Variants in ZNF669 observed in about 807,000 individuals in gnomAD.
ZNF669 encodes the protein zinc finger protein 669.
Under a neutral mutation model 11.4 loss-of-function variants are expected in ZNF669, and 7 were observed. The observed-to-expected ratio is 0.62, with a 90% CI of 0.35 to 1.16. ZNF669 has a LOEUF of 1.16. Ranked by LOEUF, ZNF669 falls within the 50% of genes most tolerant of loss-of-function variation. ZNF669 has a pLI of 0.02. For missense variants in ZNF669, 492 were observed against 463.6 expected, an observed-to-expected ratio of 1.06 and a Z score of -0.56; for synonymous variants, 153 against 155.8, an observed-to-expected ratio of 0.98 and a Z score of 0.13.
At position 247,100,077 on chromosome 1, in the gene ZNF669, C is replaced by T. The variant is rs1037966104; in HGVS notation, c.*297G>A. 6 of 266,694 alleles carry T rather than the reference C, an allele frequency of 2.2e-5. No homozygotes were observed. Among genetic ancestry groups the T allele is most frequent in the Admixed American group, 1.4e-4 (3 of 20,720 alleles). The allele number at this position is 266,694 out of a possible 1,614,324, so 16.5% of individuals were successfully genotyped here. A position where few individuals can be genotyped will look rare whatever the true frequency, so the allele number is the denominator to read the frequency against. On this transcript the variant is annotated 3_prime_UTR_variant, in exon 4 of 4. Transcript: ENST00000448299. ...TCGGCTCACTGCAAGTTCCGCCTCC[C>T]GGGTTCATGCCATTCTCCTGCCTCA...
Position 247,100,841 on chromosome 1 carries a change from C to T in ZNF669, c.670G>A (p.Glu224Lys). The change falls in exon 4 of 4, where the codon GAA becomes AAA. Residue 224 changes from glutamate (E) to lysine (K), a missense_variant. Physicochemically the swap from Glu to Lys is moderately conservative, Grantham distance 56. Coordinates refer to ENST00000448299, the MANE Select transcript of ZNF669 (RefSeq NM_001142572.2). Reference sequence around the variant, plus strand: ...GAAAATCTGAATGTTTTCCCACATTCCTTACATTCGTAGGGTTTCTCTCCA... The same window carrying T: ...GAAAATCTGAATGTTTTCCCACATTTCTTACATTCGTAGGGTTTCTCTCCA... ...HTGEKPYECK[E>K]CGKTFRFSCS... The T allele has an allele frequency of 1.2e-6, 2 of 1,614,022 alleles. No homozygotes were observed. Among genetic ancestry groups the T allele is most frequent in the Non-Finnish European group, 1.7e-6 (2 of 1,179,996 alleles).
rs372214656 is a variant in ZNF669, at chr1:247,101,064, T to G, written c.447A>C (p.Pro149=). Reference sequence around the variant, plus strand: ...GCATTATCATGTGTCTTCTAACACCTGGAACAGAAACGAAGAATTTCCCAC... The same window carrying G: ...GCATTATCATGTGTCTTCTAACACCGGGAACAGAAACGAAGAATTTCCCAC... ...EQCGKFFVSV[P]GVRRHMIMHS... Residue 149 remains proline, a synonymous_variant, in exon 4 of 4, where the codon CCA becomes CCC. Coordinates refer to ENST00000448299, the MANE Select transcript of ZNF669 (RefSeq NM_001142572.2). 7 of 1,614,028 alleles carry G rather than the reference T, an allele frequency of 4.3e-6. No individual in the cohort carries two copies. Among genetic ancestry groups the G allele is most frequent in the Non-Finnish European group, 5.1e-6 (6 of 1,180,022 alleles).
intron 1 of ZNF669, 133 bp downstream of exon 1, chr1:247,104,050 TGAACAGAAGAGGAC>T (rs1671789175): frequency 6.8e-7 from 1 of 1,473,806 alleles, no homozygotes; most frequent in East Asian, 2.7e-5. Flanking sequence ...GGCCCGGCCC[TGAACAGAAGAGGAC>T]TGAGCCCCGG....
At chr1:247,102,392 C>T (rs1365608170) in intron 1 of ZNF669, among the ~76,000 whole-genome samples, 4 of 152,228 alleles carry the variant, frequency 2.6e-5, no homozygotes, top group Non-Finnish European at 4.4e-5. Flanking sequence ...CTCTTAATTT[C>T]ACTTCGTACA....
intron 1 of ZNF669, among the ~76,000 whole-genome samples, chr1:247,103,470 C>A (rs1042830008): frequency 6.6e-6 from 1 of 151,768 alleles, no homozygotes; most frequent in African/African-American, 2.4e-5. Flanking sequence ...CCTGTCTCTA[C>A]CAAAAATACA....
intron 1 of ZNF669, 199 bp downstream of exon 1, chr1:247,103,998 A>C: frequency 6.2e-7 from 1 of 1,601,882 alleles, no homozygotes; most frequent in South Asian, 1.1e-5. Flanking sequence ...TGGCGCCCGC[A>C]GGTACAGACA....
intron 1 of ZNF669, 162 bp downstream of exon 1, chr1:247,104,035 C>A: frequency 6.3e-7 from 1 of 1,586,050 alleles, no homozygotes; most frequent in Non-Finnish European, 8.6e-7. Context: ...CTGCCCGCCC[C>A]GCCCGGCCCG....
chr1:247,101,470 C>T, intron 3 of ZNF669, 151 bp from the exon 4 acceptor site: 1 of 1,021,312 alleles, frequency 9.8e-7, no homozygotes, highest in Non-Finnish European at 1.4e-6. Flanking sequence ...AAATGGGTTA[C>T]TACTGAAAAC....
At chr1:247,103,570 G>T (rs12080836) in intron 1 of ZNF669, among the ~76,000 whole-genome samples, 1 of 144,360 alleles carries the variant, frequency 6.9e-6, no homozygotes, top group African/African-American at 2.6e-5. Flanking sequence ...GGAGTCAGAG[G>T]TTGCAATGAG....
At chr1:247,103,632 C>CAAA (rs58671011) in intron 1 of ZNF669, among the ~76,000 whole-genome samples, 9 of 49,976 alleles carry the variant, frequency 1.8e-4, no homozygotes, top group South Asian at 1.2e-3. Flanking sequence ...ATTCCGTCTC[C>CAAA]AAAAAAAAAA....
intron 3 of ZNF669, 44 bp downstream of exon 3, chr1:247,101,687 G>T: frequency 6.5e-7 from 1 of 1,529,828 alleles, no homozygotes; most frequent in Non-Finnish European, 8.9e-7. Flanking sequence ...GACATGCTAA[G>T]ATTCCTTCAG....
At position 247,100,851 on chromosome 1, in the gene ZNF669, G is replaced by A. The variant is rs755373134; in HGVS notation, c.660C>T (p.Tyr220=). The change falls in exon 4 of 4, where the codon TAC becomes TAT. Residue 220 remains tyrosine, a synonymous_variant. Transcript: ENST00000448299. ...ATGTTTTCCCACATTCCTTACATTC[G>A]TAGGGTTTCTCTCCAGTGTGAGTTC... ...HERTHTGEKP[Y]ECKECGKTFR... is the part of the protein sequence containing the mutation. 13 of 1,613,834 alleles carry A rather than the reference G, an allele frequency of 8.1e-6. No homozygotes were observed. The highest frequency in any genetic ancestry group is 8.0e-5 in the African/African-American group (6 of 74,852).
chr1:247,103,084 T>A (rs960711832), intron 1 of ZNF669, among the ~76,000 whole-genome samples: 2 of 152,176 alleles, frequency 1.3e-5, no homozygotes, highest in African/African-American at 4.8e-5. Flanking sequence ...AAAAGAGTTA[T>A]GTCTTGCCTA....
At position 247,104,352 on chromosome 1, in the gene ZNF669, G is replaced by A. The variant is rs534192315; in HGVS notation, c.-153C>T. ...AGGAAGAGCCGGCTCCGGCGAAGGA[G>A]AGACAAAGCAACCGCCAGGCAGATC... On this transcript the variant is annotated 5_prime_UTR_variant, in exon 1 of 4. Coordinates refer to ENST00000448299, the MANE Select transcript of ZNF669 (RefSeq NM_001142572.2). 5.3e-6 allele frequency: 6 copies of A among 1,137,370 alleles called. No homozygotes were observed. Among genetic ancestry groups the A allele is most frequent in the Admixed American group, 3.6e-5 (1 of 27,490 alleles). The allele number at this position is 1,137,370 out of a possible 1,614,324, so 70.5% of individuals were successfully genotyped here. A position where few individuals can be genotyped will look rare whatever the true frequency, so the allele number is the denominator to read the frequency against.
At chr1:247,101,350 G>T in intron 3 of ZNF669, 31 bp from the exon 4 acceptor site, 1 of 1,519,270 alleles carries the variant, frequency 6.6e-7, no homozygotes, top group Non-Finnish European at 8.8e-7. Flanking sequence ...CATTATTATT[G>T]GTTGGTTTAT....
chr1:247,101,804 C>G lies in ZNF669; in HGVS notation c.131-13G>C, dbSNP rs1671730310. On this transcript the variant is annotated splice_polypyrimidine_tract_variant and intron_variant, in intron 2 of 3. Coordinates refer to ENST00000448299, the MANE Select transcript of ZNF669 (RefSeq NM_001142572.2). ...TTCCATTGGCTTCCTAAAATGCAGA[C>G]CCATAAAATTATCATGAATTATTAC... The G allele has an allele frequency of 6.2e-7, 1 of 1,613,106 alleles. No individual in the cohort carries two copies. Among genetic ancestry groups the G allele is most frequent in the African/African-American group, 1.3e-5 (1 of 75,008 alleles).
chr1:247,103,296 T>G (rs903035680), intron 1 of ZNF669, among the ~76,000 whole-genome samples: 1 of 152,138 alleles, frequency 6.6e-6, no homozygotes, highest in Non-Finnish European at 1.5e-5. Context: ...GAGTGTCAGA[T>G]GGTTTATTCT....
At chr1:247,102,808 TTTAA>T (rs1671750323) in intron 1 of ZNF669, among the ~76,000 whole-genome samples, 2 of 152,230 alleles carry the variant, frequency 1.3e-5, no homozygotes, top group Admixed American at 6.5e-5. Flanking sequence ...GCTTATTAAA[TTTAA>T]TTGAGTAGTA....
At chr1:247,103,426 G>T (rs1671763720) in intron 1 of ZNF669, among the ~76,000 whole-genome samples, 1 of 152,072 alleles carries the variant, frequency 6.6e-6, no homozygotes, top group African/African-American at 2.4e-5. Flanking sequence ...TTAAGGTCAG[G>T]AGTTCGAGAC....
Sources: allele counts gnomAD v4.1 joint callset (sites outside exome capture counted in the v4.1 genomes callset), GRCh38; gene constraint gnomAD v4.1.1; transcripts MANE v1.5; gene names NCBI Gene and HGNC (gene_info 2026-07-23, HGNC 2026-07-21).